Variants in FAM114A2 observed in about 807,000 individuals in gnomAD.
FAM114A2 encodes protein FAM114A2.
Under a neutral mutation model 58.4 loss-of-function variants are expected in FAM114A2, and 53 were observed. The observed-to-expected ratio is 0.91, with a 90% CI of 0.73 to 1.14. The LOEUF is 1.14. FAM114A2 is among the 50% of genes most tolerant of loss of function. The pLI, the probability that FAM114A2 is intolerant of heterozygous loss-of-function variation, is 0.00. For synonymous variants in FAM114A2, 228 were observed against 211.4 expected (o/e 1.08, Z -0.68); for missense variants, 601 against 581.1 (o/e 1.03, Z -0.35).
chr5:154,037,624 A>T (rs941552048), intron 1 of FAM114A2, among the ~76,000 whole-genome samples: 1 of 152,202 alleles, frequency 6.6e-6, no homozygotes, highest in Non-Finnish European at 1.5e-5. Flanking sequence ...TATCATCATC[A>T]TAAATATATA....
rs1206049360 is a variant in FAM114A2 at position 154,011,287 on chromosome 5, AG to A, written c.946del (p.Leu316CysfsTer29). ...GGAGGAAACGTGCAGCTGGGAAAAC[AG>A]CTCTGTTATGTCCTTGGTAAAATCT... is the stretch of plus-strand genomic sequence containing the variant. ...DEDFTKDITE[L>X]FSQLHVSSKP... is the part of the protein sequence containing the mutation. On this transcript the variant is annotated frameshift_variant, in exon 9 of 14. Transcript: ENST00000351797. LOFTEE classifies it high-confidence loss of function. 4.3e-6 allele frequency: 7 copies of A among 1,612,832 alleles called. No homozygotes were observed. The Admixed American group carries it at 5.0e-5, about 12-fold the overall frequency.
chr5:154,027,936 G>A (rs546454128), intron 6 of FAM114A2, among the ~76,000 whole-genome samples: 1 of 152,092 alleles, frequency 6.6e-6, no homozygotes, highest in African/African-American at 2.4e-5. Context: ...CTGCACTGAT[G>A]GGAGGCTCCT....
chr5:154,021,731 T>C (rs2113405056), intron 8 of FAM114A2, among the ~76,000 whole-genome samples: 1 of 152,208 alleles, frequency 6.6e-6, no homozygotes, highest in East Asian at 1.9e-4. Flanking sequence ...CCCAAGGTAA[T>C]TTATAGATTC....
chr5:154,028,692 A>G (rs1440353730), intron 5 of FAM114A2, among the ~76,000 whole-genome samples: 1 of 152,246 alleles, frequency 6.6e-6, no homozygotes, highest in Non-Finnish European at 1.5e-5. Context: ...AAGAAAATCA[A>G]ATCTACCACA....
At chr5:154,005,601 G>C (rs925250494) in intron 9 of FAM114A2, among the ~76,000 whole-genome samples, 26 of 152,154 alleles carry the variant, frequency 1.7e-4, no homozygotes, top group African/African-American at 5.1e-4. Context: ...ATAGAGATAG[G>C]TTCCTGAATA....
At chr5:154,021,514 G>A (rs1218098200) in intron 8 of FAM114A2, among the ~76,000 whole-genome samples, 2 of 152,170 alleles carry the variant, frequency 1.3e-5, no homozygotes, top group Non-Finnish European at 2.9e-5. Context: ...CAGACAAACA[G>A]AGAGCCAAAT....
chr5:154,028,581 A>G (rs1351224398), intron 5 of FAM114A2, among the ~76,000 whole-genome samples: 1 of 152,240 alleles, frequency 6.6e-6, no homozygotes, highest in East Asian at 1.9e-4. Context: ...TGTTCATAAC[A>G]GCTCTGCTTG....
intron 9 of FAM114A2, among the ~76,000 whole-genome samples, chr5:154,003,458 C>A (rs988613511): frequency 1.3e-5 from 2 of 152,148 alleles, no homozygotes; most frequent in African/African-American, 4.8e-5. Flanking sequence ...GGATTACAGG[C>A]ATGAGCCACT....
At chr5:154,036,548 AAAAG>A (rs1410884049) in intron 1 of FAM114A2, among the ~76,000 whole-genome samples, 3 of 152,248 alleles carry the variant, frequency 2.0e-5, no homozygotes, top group Non-Finnish European at 2.9e-5. Context: ...AATGTATTAG[AAAAG>A]AAAGGCATAT....
chr5:154,000,099 A>G (rs1170001469), intron 11 of FAM114A2, among the ~76,000 whole-genome samples: 1 of 152,216 alleles, frequency 6.6e-6, no homozygotes, highest in Non-Finnish European at 1.5e-5. Context: ...AAGCACAGAA[A>G]GACAAACACC....
At chr5:154,028,781 TA>T (rs1382596253) in intron 5 of FAM114A2, among the ~76,000 whole-genome samples, 1 of 152,210 alleles carries the variant, frequency 6.6e-6, no homozygotes, top group Non-Finnish European at 1.5e-5. Flanking sequence ...TCCACTTATG[TA>T]AAGCTGAAAT....
rs753721633 is a variant in FAM114A2, at chr5:154,002,261, T to G, written c.1246A>C (p.Thr416Pro). ...TCTCATTACACTTACTGGGAAAGAG[T>G]TTGGCTCCTTTCTATGGCTGTCACT... ...QEVTAIERSQ[T>P]LSQMTIVLCK... is the part of the protein sequence containing the mutation. Residue 416 changes from threonine to proline, a missense_variant, in exon 11 of 14, where the codon ACT (threonine) becomes CCT (proline). Thr to Pro is a conservative substitution (Grantham distance 38). Coordinates refer to ENST00000351797, the MANE Select transcript of FAM114A2 (RefSeq NM_018691.4). The G allele has an allele frequency of 1.2e-6, 2 of 1,613,622 alleles. No individual in the cohort carries two copies. The highest frequency in any genetic ancestry group is 1.7e-5 in the Admixed American group (1 of 60,000).
At chr5:154,035,061 C>A in intron 1 of FAM114A2, 94 bp from the exon 2 acceptor site, 1 of 715,600 alleles carries the variant, frequency 1.4e-6, no homozygotes. Flanking sequence ...CATAGATTCA[C>A]ATACAAGTAT....
intron 10 of FAM114A2, 111 bp from the exon 11 acceptor site, chr5:154,002,501 C>T: frequency 8.7e-7 from 1 of 1,142,938 alleles, no homozygotes; most frequent in Non-Finnish European, 1.2e-6. Flanking sequence ...AGTTGCCTTC[C>T]AATAAAGAGT....
At chr5:154,029,836 T>C (rs1772063563) in intron 4 of FAM114A2, among the ~76,000 whole-genome samples, 1 of 152,218 alleles carries the variant, frequency 6.6e-6, no homozygotes, top group Non-Finnish European at 1.5e-5. Context: ...ATATGTTGTA[T>C]GATTCCAATT....
At position 154,029,560 on chromosome 5, in the gene FAM114A2, T is replaced by G. The variant is rs1043362293; in HGVS notation, c.424A>C (p.Asn142His). Residue 142 changes from asparagine (N) to histidine (H), a missense_variant, in exon 5 of 14, where the codon AAT becomes CAT. Transcript: ENST00000351797. The stretch of plus-strand genomic sequence containing the variant: ...CCAGCCACTGGGGAGGAGTTTTCAT[T>G]CTCTTTGGCATTTGTCTCTCCTACA... The part of the protein sequence containing the change: ...YVAGETNAKE[N>H]ENSSPVAGAF... 1 of 1,607,648 alleles carries G rather than the reference T, an allele frequency of 6.2e-7. No homozygotes were observed. The highest frequency in any genetic ancestry group is 8.5e-7 in the Non-Finnish European group (1 of 1,174,592).
chr5:153,996,854 G>C (rs1354562550), intron 12 of FAM114A2, among the ~76,000 whole-genome samples: 1 of 151,906 alleles, frequency 6.6e-6, no homozygotes, highest in East Asian at 1.9e-4. Context: ...AAAATTGGCT[G>C]GGCATGGTGG....
intron 4 of FAM114A2, 117 bp downstream of exon 4, chr5:154,033,674 C>T: frequency 3.2e-6 from 2 of 622,574 alleles, no homozygotes; most frequent in Non-Finnish European, 5.7e-6. Context: ...TACTCTTTCT[C>T]ACTACAGTCC....
intron 9 of FAM114A2, among the ~76,000 whole-genome samples, chr5:154,004,567 A>AC (rs11415520): frequency 0.85 from 129,825 of 152,138 alleles, 55,656 homozygotes; most frequent in East Asian, 1. Flanking sequence ...TTCTCTTCTT[A>AC]CCCCAAATTT....
Sources: allele counts gnomAD v4.1 joint callset (sites outside exome capture counted in the v4.1 genomes callset), GRCh38; gene constraint gnomAD v4.1.1; transcripts MANE v1.5; gene names NCBI Gene and HGNC (gene_info 2026-07-23, HGNC 2026-07-21).